CHRDL1: variants seen among roughly 807,000 people sequenced by gnomAD.
CHRDL1 encodes chordin like 1.
Under a neutral mutation model 40.9 loss-of-function variants are expected in CHRDL1, and 19 were observed. The observed-to-expected ratio is 0.46, with a 90% CI of 0.32 to 0.68. The LOEUF is 0.68. Among genes scored for constraint, CHRDL1 ranks in the 30% least tolerant of loss-of-function variants. The pLI is 0.03. For missense variants in CHRDL1, 329 were observed against 352.1 expected (o/e 0.93, Z 0.53); for synonymous variants, 136 against 123.4 (o/e 1.10, Z -0.68).
Position 110,741,864 on chromosome X carries a change from C to G in CHRDL1, c.301+17797G>C, listed in dbSNP as rs187175012. Among the ~76,000 whole-genome samples the G allele has an allele frequency of 8.6e-4, 96 of 111,728 alleles. 2 individuals are homozygous for G. The highest frequency in any genetic ancestry group is 3.1e-3 in the Admixed American group (33 of 10,547). ...CAGATAGGCCACAGGCTATTTACCC[C>G]CTTGCCTCTGCCTGGCTTTTGAAGG... is the stretch of plus-strand genomic sequence containing the variant. On this transcript the variant is annotated intron_variant, in intron 4 of 11. Coordinates refer to ENST00000372042, the MANE Select transcript of CHRDL1 (RefSeq NM_001143981.2).
Position 110,689,395 on chromosome X carries a change from CCTATATATATCTATATAT to C in CHRDL1, c.779-610_779-593del, listed in dbSNP as rs1366491987. On this transcript the variant is annotated intron_variant, in intron 8 of 11. Coordinates refer to ENST00000372042, the MANE Select transcript of CHRDL1 (RefSeq NM_001143981.2). ...TACAGGCATGAGCCACCGCACCCAG[CCTATATATATCTATATAT>C]CTATATATATCTATATATCTATATA... 8.4e-4 allele frequency among the ~76,000 whole-genome samples: 66 copies of C among 78,423 alleles called. 1 individual carries two copies. Among genetic ancestry groups the C allele is most frequent in the African/African-American group, 2.9e-3 (57 of 19,520 alleles). 68.1% of individuals were successfully genotyped at this position (78,423 alleles called of 115,157 possible).
chrX:110,785,948 T>C (rs866204883), intron 2 of CHRDL1, among the ~76,000 whole-genome samples: 1 of 112,349 alleles, frequency 8.9e-6, no homozygotes, highest in Admixed American at 9.4e-5. Flanking sequence ...CCTTACTGCT[T>C]ATAGAAAGTC....
Position 110,762,802 on chromosome X carries a change from C to A in CHRDL1, c.100G>T (p.Glu34Ter). The A allele has an allele frequency of 9.2e-7, 1 of 1,086,198 alleles. No homozygotes were observed. The highest frequency in any genetic ancestry group is 1.3e-6 in the Non-Finnish European group (1 of 783,751). 89.5% of individuals were successfully genotyped at this position (1,086,198 alleles called of 1,213,427 possible). ...TTGTCTTGAAACATGCAATATGTCTCTGAATCTGTGAAGAAGGAGATGGAG... is the reference window on the plus strand; with the variant it reads ...TTGTCTTGAAACATGCAATATGTCTATGAATCTGTGAAGAAGGAGATGGAG... ...GGKTEQVKHS[E>*]TYCMFQDKKY... The change falls in exon 3 of 12, where the codon GAG (glutamate) becomes TAG (stop). Residue 34 changes from glutamate (E) to a stop codon, truncating the protein, a stop_gained. Coordinates refer to ENST00000372042, the MANE Select transcript of CHRDL1 (RefSeq NM_001143981.2). LOFTEE classifies it high-confidence loss of function.
At chrX:110,698,005 T>A (rs1391710241) in intron 7 of CHRDL1, among the ~76,000 whole-genome samples, 1 of 111,627 alleles carries the variant, frequency 9.0e-6, no homozygotes, top group Non-Finnish European at 1.9e-5. Flanking sequence ...CCTCTTCCTG[T>A]GCACTTCATA....
chrX:110,686,785 G>A (rs912224535), intron 9 of CHRDL1, among the ~76,000 whole-genome samples: 2 of 107,637 alleles, frequency 1.9e-5, no homozygotes, highest in Non-Finnish European at 3.8e-5. Flanking sequence ...GCTGAGGCGG[G>A]AGAATAACTT....
chrX:110,676,117 G>A lies in CHRDL1; in HGVS notation c.*114C>T. On this transcript the variant is annotated 3_prime_UTR_variant, in exon 12 of 12. Transcript: ENST00000372042. ...TATGCTGTGCATGGCGTGAATAATTGACTGCATTTGAGTTTGGAGTTTTAG... is the reference window on the plus strand; with the variant it reads ...TATGCTGTGCATGGCGTGAATAATTAACTGCATTTGAGTTTGGAGTTTTAG... 1 of 746,671 alleles carries A rather than the reference G, an allele frequency of 1.3e-6. No homozygotes were observed. Among genetic ancestry groups the A allele is most frequent in the East Asian group, 3.2e-5 (1 of 30,835 alleles). 61.5% of individuals were successfully genotyped at this position (746,671 alleles called of 1,213,427 possible).
At chrX:110,782,534 T>C (rs1334433760) in intron 2 of CHRDL1, among the ~76,000 whole-genome samples, 2 of 112,651 alleles carry the variant, frequency 1.8e-5, no homozygotes, top group Admixed American at 1.9e-4. Context: ...CTTTCCACTA[T>C]ACCTTTTTAA....
At chrX:110,700,953 T>C (rs1373225155) in intron 6 of CHRDL1, among the ~76,000 whole-genome samples, 2 of 112,110 alleles carry the variant, frequency 1.8e-5, no homozygotes, top group African/African-American at 3.2e-5. Context: ...CTAGCAACAT[T>C]ATGCAGAATT....
At chrX:110,689,218 C>T (rs1459729255) in intron 8 of CHRDL1, among the ~76,000 whole-genome samples, 2 of 92,302 alleles carry the variant, frequency 2.2e-5, no homozygotes. Flanking sequence ...ATCAGCCACC[C>T]GAGTAGCTGG....
In CHRDL1 at chrX:110,688,652, C is replaced by T. The variant is rs764699263; in HGVS notation, c.930G>A (p.Lys310=). 14 of 1,210,192 alleles carry T rather than the reference C, an allele frequency of 1.2e-5. No individual in the cohort carries two copies. The highest frequency in any genetic ancestry group is 1.5e-5 in the Non-Finnish European group (13 of 894,840). ...KIHCPNRYPC[K]YPQKIDGKCC... ...ATTTTCCGTCTATTTTTTGAGGATA[C>T]TTGCAGGGGTATCGATTGGGGCAGT... is the stretch of plus-strand genomic sequence containing the variant. Residue 310 remains lysine, a synonymous_variant, in exon 9 of 12, where the codon AAG becomes AAA. Coordinates refer to ENST00000372042, the MANE Select transcript of CHRDL1 (RefSeq NM_001143981.2).
chrX:110,751,172 CA>C (rs1357287744), intron 4 of CHRDL1, among the ~76,000 whole-genome samples: 5 of 111,430 alleles, frequency 4.5e-5, no homozygotes. Context: ...TGCATTTTAT[CA>C]AATCTCCCAA....
At chrX:110,780,664 T>C (rs1169499407) in intron 2 of CHRDL1, among the ~76,000 whole-genome samples, 5 of 111,783 alleles carry the variant, frequency 4.5e-5, no homozygotes, top group African/African-American at 1.3e-4. Context: ...ATTCTTGATT[T>C]ACATTACCAG....
chrX:110,769,666 C>T (rs749481112), intron 2 of CHRDL1, among the ~76,000 whole-genome samples: 1 of 112,124 alleles, frequency 8.9e-6, no homozygotes, highest in Non-Finnish European at 1.9e-5. Flanking sequence ...GTGAAAGGCA[C>T]ATCTCACATG....
At chrX:110,689,406 CTATATAT>C (rs2070110631) in intron 8 of CHRDL1, among the ~76,000 whole-genome samples, 1 of 37,881 alleles carries the variant, frequency 2.6e-5, no homozygotes, top group African/African-American at 2.0e-4. Flanking sequence ...CTATATATAT[CTATATAT>C]CTATATATAT....
intron 9 of CHRDL1, among the ~76,000 whole-genome samples, chrX:110,684,947 C>A (rs1310741114): frequency 8.9e-6 from 1 of 112,031 alleles, no homozygotes; most frequent in East Asian, 2.8e-4. Context: ...TCGTCTATCT[C>A]CACAAACTTG....
chrX:110,762,741 A>G lies in CHRDL1; in HGVS notation c.161T>C (p.Leu54Pro). 8.4e-7 allele frequency: 1 copy of G among 1,193,143 alleles called. No individual in the cohort carries two copies. Among genetic ancestry groups the G allele is most frequent in the Non-Finnish European group, 1.1e-6 (1 of 880,116 alleles). Residue 54 changes from leucine (L) to proline (P), a missense_variant, in exon 3 of 12, where the codon CTG becomes CCG. Transcript: ENST00000372042. ...YRVGERWHPYLEPYGLVYCVN... is the reference protein window; with the variant it reads ...YRVGERWHPYPEPYGLVYCVN... ...GCAGTAAACCAACCCATAAGGTTCC[A>G]GGTAAGGATGCCATCTCTCACCCAC...
chrX:110,779,989 T>C (rs1462985408), intron 2 of CHRDL1, among the ~76,000 whole-genome samples: 1 of 111,566 alleles, frequency 9.0e-6, no homozygotes, highest in Non-Finnish European at 1.9e-5. Context: ...TAATTGCTGG[T>C]AGACAGAAAA....
At chrX:110,678,710 T>C (rs147435936) in intron 11 of CHRDL1, among the ~76,000 whole-genome samples, 1 of 111,559 alleles carries the variant, frequency 9.0e-6, no homozygotes, top group Non-Finnish European at 1.9e-5. Context: ...TCATCCATTA[T>C]AATTCCCTGT....
chrX:110,691,535 T>G (rs1452473395), intron 8 of CHRDL1, among the ~76,000 whole-genome samples: 1 of 110,539 alleles, frequency 9.0e-6, no homozygotes, highest in East Asian at 2.9e-4. Flanking sequence ...CAACAACATC[T>G]CTAGGGTGGG....
Sources: allele counts gnomAD v4.1 joint callset (sites outside exome capture counted in the v4.1 genomes callset), GRCh38; gene constraint gnomAD v4.1.1; transcripts MANE v1.5; gene names NCBI Gene and HGNC (gene_info 2026-07-23, HGNC 2026-07-21).